HRK: variants seen among roughly 807,000 people sequenced by gnomAD.
The protein encoded by HRK is harakiri, BCL2 interacting protein, also known as activator of apoptosis harakiri.
Under a neutral mutation model 5.9 loss-of-function variants are expected in HRK, and 6 were observed. The ratio of observed to expected loss-of-function variants is 1.02; its 90% CI spans 0.56 to 2.01. The LOEUF (loss-of-function observed/expected upper bound fraction) is 2.01. Among genes scored for constraint, HRK ranks in the 30% most tolerant of loss-of-function variants. HRK has a pLI of 0.00. For missense variants in HRK, 133 were observed against 128.3 expected, an observed-to-expected ratio of 1.04 and a Z score of -0.18; for synonymous variants, 85 against 65.1, an observed-to-expected ratio of 1.31 and a Z score of -1.47.
In HRK at chr12:116,881,344, C is replaced by G; in HGVS notation, c.-37G>C. 1 of 1,058,286 alleles carries G rather than the reference C, an allele frequency of 9.4e-7. No individual in the cohort carries two copies. The highest frequency in any genetic ancestry group is 1.1e-6 in the Non-Finnish European group (1 of 878,484). 65.6% of individuals were successfully genotyped at this position (1,058,286 alleles called of 1,614,324 possible). ...TCGCTCCCGCCCCGCGCTCGGGCCGCCCCTCGCCTCCTCTCCCTCCGGCCT... is the reference window on the plus strand; with the variant it reads ...TCGCTCCCGCCCCGCGCTCGGGCCGGCCCTCGCCTCCTCTCCCTCCGGCCT... On this transcript the variant is annotated 5_prime_UTR_variant, in exon 1 of 2. Coordinates refer to ENST00000257572, the MANE Select transcript of HRK (RefSeq NM_003806.4).
intron 1 of HRK, among the ~76,000 whole-genome samples, chr12:116,868,581 G>A (rs1417248215): frequency 6.6e-6 from 1 of 152,200 alleles, no homozygotes; most frequent in Non-Finnish European, 1.5e-5. Flanking sequence ...GTCCCAAGTA[G>A]GGGAAAGTAG....
At chr12:116,871,753 G>A (rs903686611) in intron 1 of HRK, among the ~76,000 whole-genome samples, 4 of 150,236 alleles carry the variant, frequency 2.7e-5, no homozygotes, top group Admixed American at 6.6e-5. Flanking sequence ...TCAGCCTCCC[G>A]AGTAGCAGGA....
chr12:116,871,887 G>A (rs1289932147), intron 1 of HRK, among the ~76,000 whole-genome samples: 2 of 150,582 alleles, frequency 1.3e-5, no homozygotes, highest in African/African-American at 4.9e-5. Flanking sequence ...TCTCACCTGT[G>A]AGCATTAAAA....
chr12:116,871,391 C>T (rs1878742925), intron 1 of HRK, among the ~76,000 whole-genome samples: 2 of 151,386 alleles, frequency 1.3e-5, no homozygotes, highest in South Asian at 2.1e-4. Context: ...CAACCTCCAC[C>T]TCCCAGATTC....
Position 116,866,157 on chromosome 12 carries a change from CAAAA to C in HRK, c.*57-4695_*57-4692del, listed in dbSNP as rs10682657. Among the ~76,000 whole-genome samples the C allele has an allele frequency of 7.6e-5, 7 of 92,152 alleles. No individual in the cohort carries two copies. The Admixed American group carries it at 9.8e-4, about 13-fold the overall frequency. The allele number at this position is 92,152 out of a possible 152,430, so 60.5% of individuals were successfully genotyped here. A position where few individuals can be genotyped will look rare whatever the true frequency, so the allele number is the denominator to read the frequency against. On this transcript the variant is annotated intron_variant, in intron 1 of 1. Coordinates refer to ENST00000257572, the MANE Select transcript of HRK (RefSeq NM_003806.4). The stretch of plus-strand genomic sequence containing the variant: ...TGGGAGAGAGAGCAAGATTCCATCT[CAAAA>C]AAAAAAAAAAAAAAGCAGTTTCTCG...
In HRK at chr12:116,860,683, C is replaced by T. The variant is rs980252902; in HGVS notation, c.*840G>A. 1 of 149,548 alleles carries T rather than the reference C, an allele frequency of 6.7e-6. No individual in the cohort carries two copies. Among genetic ancestry groups the T allele is most frequent in the Non-Finnish European group, 1.5e-5 (1 of 67,648 alleles). 9.3% of individuals were successfully genotyped at this position (149,548 alleles called of 1,614,324 possible). On this transcript the variant is annotated 3_prime_UTR_variant, in exon 2 of 2. Transcript: ENST00000257572. ...CAGGTAGAAGAAGAGAAGAGACTCTCAAGTGGCACTTTTGCAACTTGTCCC... is the reference window on the plus strand; with the variant it reads ...CAGGTAGAAGAAGAGAAGAGACTCTTAAGTGGCACTTTTGCAACTTGTCCC...
chr12:116,879,560 G>A lies in HRK; in HGVS notation c.*56+1416C>T, dbSNP rs1487760633. ...CGGGAGCCCCTGGCCTCTCCAACAG[G>A]AGAGAGAGAAGGTAGGGAGAAGTGG... On this transcript the variant is annotated intron_variant, in intron 1 of 1. Transcript: ENST00000257572. This position sits in a 1 kb window ranked among gnomAD's most constrained non-coding sequence, Gnocchi z 5.6. 3 of 152,344 alleles carry A rather than the reference G, an allele frequency of 2.0e-5. No homozygotes were observed. Among genetic ancestry groups the A allele is most frequent in the East Asian group, 3.9e-4 (2 of 5,154 alleles). 9.4% of individuals were successfully genotyped at this position (152,344 alleles called of 1,614,324 possible).
At chr12:116,865,207 G>T (rs1312071560) in intron 1 of HRK, among the ~76,000 whole-genome samples, 3 of 152,056 alleles carry the variant, frequency 2.0e-5, no homozygotes, top group East Asian at 3.9e-4. Flanking sequence ...AAAGAATTAG[G>T]ACTCTTGGAT....
chr12:116,875,550 A>AT (rs1046012384), intron 1 of HRK, among the ~76,000 whole-genome samples: 11 of 151,802 alleles, frequency 7.2e-5, no homozygotes, highest in Admixed American at 7.2e-4. Flanking sequence ...TTTATTTTTT[A>AT]TTTTTTTGTA....
intron 1 of HRK, among the ~76,000 whole-genome samples, chr12:116,880,293 C>A (rs150789464): frequency 6.6e-6 from 1 of 152,230 alleles, no homozygotes; most frequent in Non-Finnish European, 1.5e-5. Flanking sequence ...CAGCTACAAC[C>A]GTCTGGGGAG....
At position 116,861,106 on chromosome 12, in the gene HRK, G is replaced by GTA. The variant is rs1459269349; in HGVS notation, c.*415_*416dup. The GTA allele has an allele frequency of 2.6e-5, 4 of 152,156 alleles. No individual in the cohort carries two copies. The highest frequency in any genetic ancestry group is 4.4e-5 in the Non-Finnish European group (3 of 68,052). 9.4% of individuals were successfully genotyped at this position (152,156 alleles called of 1,614,324 possible). ...ACCAGTCTTTGCAAATAGTTTCTAAGTACACAGCAGGCATCTCTCTTCTGG... is the reference window on the plus strand; with the variant it reads ...ACCAGTCTTTGCAAATAGTTTCTAAGTATACACAGCAGGCATCTCTCTTCTGG... On this transcript the variant is annotated 3_prime_UTR_variant, in exon 2 of 2. Transcript: ENST00000257572.
chr12:116,864,824 G>C (rs1878481251), intron 1 of HRK, among the ~76,000 whole-genome samples: 1 of 152,062 alleles, frequency 6.6e-6, no homozygotes. Flanking sequence ...AGCAGCAGTA[G>C]TAATCGTGCA....
rs1322511908 is a variant in HRK, at chr12:116,881,321, G to T, written c.-14C>A. 2.7e-5 allele frequency: 29 copies of T among 1,063,198 alleles called. No individual in the cohort carries two copies. In the South Asian group the frequency reaches 1.2e-3, roughly 43 times the overall value. The allele number at this position is 1,063,198 out of a possible 1,614,324, so 65.9% of individuals were successfully genotyped here. ...GCACGGGCACATGACCGCTGGCCTC[G>T]CTCCCGCCCCGCGCTCGGGCCGCCC... On this transcript the variant is annotated 5_prime_UTR_variant, in exon 1 of 2. Coordinates refer to ENST00000257572, the MANE Select transcript of HRK (RefSeq NM_003806.4).
Position 116,868,739 on chromosome 12 carries a change from G to C in HRK, c.*57-7273C>G, listed in dbSNP as rs187586737. ...TGGGATACAGTAATGGGCAAAATAG[G>C]CATGGCGGTTTGCATCTTTCTGGGA... On this transcript the variant is annotated intron_variant, in intron 1 of 1. Coordinates refer to ENST00000257572, the MANE Select transcript of HRK (RefSeq NM_003806.4). 6.1e-3 allele frequency among the ~76,000 whole-genome samples: 933 copies of C among 152,282 alleles called. 11 individuals carry two copies. Among genetic ancestry groups the C allele is most frequent in the African/African-American group, 0.022 (901 of 41,566 alleles).
intron 1 of HRK, among the ~76,000 whole-genome samples, chr12:116,870,899 AC>A (rs1878721778): frequency 6.6e-6 from 1 of 152,100 alleles, no homozygotes; most frequent in Admixed American, 6.6e-5. Context: ...CCTTTATAAT[AC>A]AAGAATGCTA....
chr12:116,868,143 A>G (rs937350424), intron 1 of HRK, among the ~76,000 whole-genome samples: 26 of 140,808 alleles, frequency 1.8e-4, no homozygotes, highest in African/African-American at 6.7e-4. Context: ...TTTTTTTTTT[A>G]TGGGATCTCA....
chr12:116,868,838 G>A (rs1405217958), intron 1 of HRK, among the ~76,000 whole-genome samples: 2 of 152,206 alleles, frequency 1.3e-5, no homozygotes, highest in Non-Finnish European at 2.9e-5. Context: ...AGTGGCCTAA[G>A]TAGGCCCTTG....
intron 1 of HRK, among the ~76,000 whole-genome samples, chr12:116,880,478 T>C (rs1272430608): frequency 1.3e-5 from 2 of 151,754 alleles, no homozygotes; most frequent in African/African-American, 2.4e-5. Flanking sequence ...GGATCAGAGA[T>C]TGGAGAAGTG....
At chr12:116,870,864 T>G (rs1395757727) in intron 1 of HRK, among the ~76,000 whole-genome samples, 1 of 152,160 alleles carries the variant, frequency 6.6e-6, no homozygotes, top group Non-Finnish European at 1.5e-5. Flanking sequence ...TTCCAGATCT[T>G]GACATGATTT....
Sources: allele counts gnomAD v4.1 joint callset (sites outside exome capture counted in the v4.1 genomes callset), GRCh38; gene constraint gnomAD v4.1.1; non-coding constraint Gnocchi (gnomAD v3.1); transcripts MANE v1.5; gene names NCBI Gene and HGNC (gene_info 2026-07-23, HGNC 2026-07-21).